The following RFTN1 variants were observed in gnomAD, a reference collection of about 807,000 sequenced individuals.
The protein encoded by RFTN1 is raftlin, lipid raft linker 1.
A neutral mutation model predicts 46.5 loss-of-function variants in RFTN1; 26 were observed. The observed-to-expected ratio is 0.56, with a 90% CI of 0.41 to 0.78. The LOEUF is 0.78. Ranked by LOEUF, RFTN1 falls within the 30% of genes least tolerant of loss-of-function variation. The probability of loss-of-function intolerance (pLI) is 0.00; values close to 1 mark genes in which losing one functional copy is unlikely to be tolerated. For synonymous variants in RFTN1, 261 were observed against 284.2 expected, an observed-to-expected ratio of 0.92 and a Z score of 0.82; for missense variants, 693 against 718.7, an observed-to-expected ratio of 0.96 and a Z score of 0.41.
intron 1 of RFTN1, among the ~76,000 whole-genome samples, chr3:16,497,318 G>A (rs1013848194): frequency 1.3e-5 from 2 of 152,214 alleles, no homozygotes; most frequent in African/African-American, 2.4e-5. Flanking sequence ...AATCATCTAC[G>A]TACTGGGTCT....
At position 16,489,134 on chromosome 3, in the gene RFTN1, G is replaced by T. The variant is rs1425320681; in HGVS notation, c.145+4591C>A. On this transcript the variant is annotated intron_variant, in intron 2 of 9. Transcript: ENST00000334133. This position sits in a 1 kb window ranked among gnomAD's most constrained non-coding sequence, Gnocchi z 4.0. ...ATCCTGGGAAATAAAATCAGTGATG[G>T]AGGCCGGGTGAGGTGGCTCACACCT... is the stretch of plus-strand genomic sequence containing the variant. Among the ~76,000 whole-genome samples the T allele has an allele frequency of 6.6e-6, 1 of 152,152 alleles. No individual in the cohort carries two copies. Among genetic ancestry groups the T allele is most frequent in the Admixed American group, 6.5e-5 (1 of 15,268 alleles).
chr3:16,349,524 G>A (rs1424953619), intron 7 of RFTN1: 1 of 152,192 alleles, frequency 6.6e-6, no homozygotes, highest in African/African-American at 2.4e-5. Flanking sequence ...TGAGGTATGT[G>A]AACTACGTAT....
intron 2 of RFTN1, among the ~76,000 whole-genome samples, chr3:16,445,076 C>T (rs1559351171): frequency 6.6e-6 from 1 of 152,186 alleles, no homozygotes; most frequent in Non-Finnish European, 1.5e-5. Flanking sequence ...GTTTCATATA[C>T]AGTTGCAGTT....
In RFTN1 at chr3:16,352,593, T is replaced by TA. The variant is rs2072175281; in HGVS notation, c.1146+5338dup. Among the ~76,000 whole-genome samples the TA allele has an allele frequency of 6.6e-6, 1 of 152,190 alleles. No homozygotes were observed. The highest frequency in any genetic ancestry group is 2.4e-5 in the African/African-American group (1 of 41,454). ...TTTGTATTTGACTCTACAGGTTCCC[T>TA]AGCCCAACCTCCTCTGTGCTTTTAG... On this transcript the variant is annotated intron_variant, in intron 7 of 9. Coordinates refer to ENST00000334133, the MANE Select transcript of RFTN1 (RefSeq NM_015150.2). This position sits in a 1 kb window ranked among gnomAD's most constrained non-coding sequence, Gnocchi z 4.6.
At chr3:16,392,617 A>G (rs895666983) in intron 4 of RFTN1, among the ~76,000 whole-genome samples, 60 of 147,466 alleles carry the variant, frequency 4.1e-4, no homozygotes, top group African/African-American at 1.4e-3. Flanking sequence ...TATTACATAT[A>G]TAAGTATATA....
intron 2 of RFTN1, among the ~76,000 whole-genome samples, chr3:16,438,383 G>A (rs974292291): frequency 6.6e-5 from 10 of 151,610 alleles, no homozygotes; most frequent in African/African-American, 1.9e-4. Flanking sequence ...GCAGGAGTTC[G>A]AGACCAGCCT....
chr3:16,417,899 G>A (rs1320776876), intron 3 of RFTN1, among the ~76,000 whole-genome samples: 2 of 152,084 alleles, frequency 1.3e-5, no homozygotes, highest in East Asian at 1.9e-4. Context: ...ATAGAGACAG[G>A]GTTTTGCCAT....
chr3:16,351,881 GA>G lies in RFTN1; in HGVS notation c.1146+6050del, dbSNP rs11366942. ...TTGGGTGAGGGGACTAGAAAGACTA[GA>G]AAAAAAAATCATGAAAACATGGATT... On this transcript the variant is annotated intron_variant, in intron 7 of 9. Transcript: ENST00000334133. The surrounding 1 kb of genome is among the most constrained non-coding windows in gnomAD (Gnocchi z 5.4). 0.032 allele frequency among the ~76,000 whole-genome samples: 4,769 copies of G among 151,172 alleles called. 231 individuals carry two copies. The highest frequency in any genetic ancestry group is 0.11 in the African/African-American group (4,471 of 41,216).
rs2074094209 is a variant in RFTN1 at position 16,384,351 on chromosome 3, C to G, written c.442-6249G>C. Among the ~76,000 whole-genome samples, 1 of 152,184 alleles carries G rather than the reference C, an allele frequency of 6.6e-6. No homozygotes were observed. Among genetic ancestry groups the G allele is most frequent in the African/African-American group, 2.4e-5 (1 of 41,440 alleles). ...TAGCACAGGGCAAGTTGATGGAGGT[C>G]TCTAAATCTAAACCTGACTAGGCAT... On this transcript the variant is annotated intron_variant, in intron 4 of 9. Coordinates refer to ENST00000334133, the MANE Select transcript of RFTN1 (RefSeq NM_015150.2). This position sits in a 1 kb window ranked among gnomAD's most constrained non-coding sequence, Gnocchi z 4.7.
In RFTN1 at chr3:16,316,967, C is replaced by A. The variant is rs558609173; in HGVS notation, c.1598G>T (p.Gly533Val). Reference sequence around the variant, plus strand: ...GGCAGGACCATTCTGCACAGCCTCACCCTCCACACCCACCCCACACAGCAG... The same window carrying A: ...GGCAGGACCATTCTGCACAGCCTCAACCTCCACACCCACCCCACACAGCAG... ...GGLLCGVGVE[G>V]EAVQNGPASH... The change falls in exon 10 of 10, where the codon GGT becomes GTT. Residue 533 changes from glycine to valine, a missense_variant. Transcript: ENST00000334133. The surrounding 1 kb of genome is among the most constrained non-coding windows in gnomAD (Gnocchi z 4.5). 1.2e-6 allele frequency: 2 copies of A among 1,614,042 alleles called. No individual in the cohort carries two copies. The highest frequency in any genetic ancestry group is 2.2e-5 in the South Asian group (2 of 91,076).
At chr3:16,505,452 T>C (rs949935714) in intron 1 of RFTN1, among the ~76,000 whole-genome samples, 7 of 152,172 alleles carry the variant, frequency 4.6e-5, no homozygotes, top group East Asian at 3.8e-4. Flanking sequence ...TGTGTGTGTG[T>C]ACCCAGATAG....
intron 8 of RFTN1, among the ~76,000 whole-genome samples, chr3:16,325,130 C>T (rs1308845995): frequency 1.3e-5 from 2 of 152,240 alleles, no homozygotes; most frequent in Admixed American, 6.5e-5. Context: ...CTAATATTTA[C>T]TCTGCACCTA....
At chr3:16,470,578 C>G (rs1367950521) in intron 2 of RFTN1, among the ~76,000 whole-genome samples, 1 of 152,214 alleles carries the variant, frequency 6.6e-6, no homozygotes, top group Non-Finnish European at 1.5e-5. Context: ...TGTATAAACT[C>G]TGCCCAGATC....
intron 4 of RFTN1, among the ~76,000 whole-genome samples, chr3:16,395,566 C>T (rs1281346650): frequency 1.3e-5 from 2 of 152,086 alleles, no homozygotes; most frequent in African/African-American, 2.4e-5. Context: ...CCCCCTCGGC[C>T]TCCTGAGTGG....
chr3:16,466,337 T>G lies in RFTN1; in HGVS notation c.145+27388A>C, dbSNP rs986520480. 3.3e-5 allele frequency among the ~76,000 whole-genome samples: 5 copies of G among 152,234 alleles called. No homozygotes were observed. Among genetic ancestry groups the G allele is most frequent in the Non-Finnish European group, 7.3e-5 (5 of 68,030 alleles). On this transcript the variant is annotated intron_variant, in intron 2 of 9. Coordinates refer to ENST00000334133, the MANE Select transcript of RFTN1 (RefSeq NM_015150.2). The surrounding 1 kb of genome is among the most constrained non-coding windows in gnomAD (Gnocchi z 5.6). The stretch of plus-strand genomic sequence containing the variant: ...AGAAATCAGTGTTTTACTTTACTTT[T>G]AAAGATGTAATATCTATGAAATCTC...
chr3:16,445,223 G>A (rs1270122936), intron 2 of RFTN1, among the ~76,000 whole-genome samples: 2 of 152,206 alleles, frequency 1.3e-5, no homozygotes, highest in African/African-American at 2.4e-5. Context: ...CACTTTTGAG[G>A]AGTCTCAGTT....
rs13317849 is a variant in RFTN1, at chr3:16,416,630, T to C, written c.333-7147A>G. Reference sequence around the variant, plus strand: ...TTATTCCTAGGCAGGGTATGTTGTATCTGCCACTCTCCTAGAGATTTTCCT... The same window carrying C: ...TTATTCCTAGGCAGGGTATGTTGTACCTGCCACTCTCCTAGAGATTTTCCT... On this transcript the variant is annotated intron_variant, in intron 3 of 9. Transcript: ENST00000334133. Among the ~76,000 whole-genome samples, 959 of 152,322 alleles carry C rather than the reference T, an allele frequency of 6.3e-3. 15 individuals carry two copies. The highest frequency in any genetic ancestry group is 0.022 in the African/African-American group (898 of 41,566).
intron 6 of RFTN1, among the ~76,000 whole-genome samples, chr3:16,368,099 C>T (rs1260510463): frequency 6.6e-6 from 1 of 151,828 alleles, no homozygotes; most frequent in African/African-American, 2.4e-5. Context: ...GTTGCCACAA[C>T]CCAAGATGGG....
In RFTN1 at chr3:16,425,678, T is replaced by C. The variant is rs916022439; in HGVS notation, c.332+8173A>G. 6.6e-6 allele frequency among the ~76,000 whole-genome samples: 1 copy of C among 151,998 alleles called. No homozygotes were observed. The highest frequency in any genetic ancestry group is 2.4e-5 in the African/African-American group (1 of 41,358). On this transcript the variant is annotated intron_variant, in intron 3 of 9. Coordinates refer to ENST00000334133, the MANE Select transcript of RFTN1 (RefSeq NM_015150.2). This position sits in a 1 kb window ranked among gnomAD's most constrained non-coding sequence, Gnocchi z 4.3. ...AGGAGTGTGGATTGGAAAAAATTCT[T>C]TCCCCCAAGAGAAGGTGGCTTTACG... is the stretch of plus-strand genomic sequence containing the variant.
Sources: gnomAD v4.1 joint callset for allele counts (sites outside exome capture counted in the v4.1 genomes callset) on GRCh38, gnomAD v4.1.1 for gene constraint, Gnocchi (gnomAD v3.1) non-coding constraint, MANE v1.5 for transcripts, NCBI Gene and HGNC (gene_info 2026-07-23, HGNC 2026-07-21) for gene names.